Variants in TENT4B observed in about 807,000 individuals in gnomAD.
TENT4B encodes terminal nucleotidyltransferase 4B.
A neutral mutation model predicts 75.0 loss-of-function variants in TENT4B; 10 were observed. The observed-to-expected ratio is 0.13, with a 90% confidence interval of 0.08 to 0.23. The LOEUF (loss-of-function observed/expected upper bound fraction) is 0.23, where lower values mean the gene tolerates loss of function less well. TENT4B is among the 10% of genes least tolerant of loss of function. The pLI, the probability that TENT4B is intolerant of heterozygous loss-of-function variation, is 1.00. For synonymous variants in TENT4B, 350 were observed against 357.7 expected, an observed-to-expected ratio of 0.98 and a Z score of 0.24; for missense variants, 579 against 893.8, an observed-to-expected ratio of 0.65 and a Z score of 4.49.
At chr16:50,202,170 C>T (rs930408475) in intron 1 of TENT4B, among the ~76,000 whole-genome samples, 6 of 152,206 alleles carry the variant, frequency 3.9e-5, no homozygotes, top group Non-Finnish European at 7.3e-5. Context: ...ATAATCACCA[C>T]TAGTATGTTT....
At chr16:50,201,847 AAAG>A (rs1215265945) in intron 1 of TENT4B, among the ~76,000 whole-genome samples, 1 of 148,710 alleles carries the variant, frequency 6.7e-6, no homozygotes, top group Non-Finnish European at 1.5e-5. Flanking sequence ...AAAAAAAAAA[AAAG>A]CGGGCTGGAT....
chr16:50,167,716 GGTGT>G (rs1266746021), intron 1 of TENT4B, among the ~76,000 whole-genome samples: 1 of 151,122 alleles, frequency 6.6e-6, no homozygotes, highest in Non-Finnish European at 1.5e-5. Context: ...GGAGTGCAGT[GGTGT>G]GATCTTGGCT....
intron 1 of TENT4B, among the ~76,000 whole-genome samples, chr16:50,185,870 T>C (rs2150702554): frequency 6.6e-6 from 1 of 152,252 alleles, no homozygotes; most frequent in East Asian, 1.9e-4. Context: ...CATCCGTACT[T>C]TTATGCTCTC....
At chr16:50,190,241 C>A (rs2038615532) in intron 1 of TENT4B, among the ~76,000 whole-genome samples, 1 of 151,920 alleles carries the variant, frequency 6.6e-6, no homozygotes, top group Non-Finnish European at 1.5e-5. Context: ...TGATCAGCTA[C>A]ATGATATCTA....
chr16:50,216,375 A>G (rs543843876), intron 4 of TENT4B, among the ~76,000 whole-genome samples, 180 bp downstream of exon 4: 33 of 152,344 alleles, frequency 2.2e-4, no homozygotes, highest in Admixed American at 1.4e-3. Context: ...TGACCATACA[A>G]TCTCGGCTCA....
intron 1 of TENT4B, among the ~76,000 whole-genome samples, chr16:50,208,053 G>C (rs150009373): frequency 6.6e-6 from 1 of 152,306 alleles, no homozygotes; most frequent in African/African-American, 2.4e-5. Flanking sequence ...AGGTGAGATG[G>C]TGATGCTTGT....
chr16:50,205,981 A>G (rs1470965499), intron 1 of TENT4B, among the ~76,000 whole-genome samples: 1 of 152,122 alleles, frequency 6.6e-6, no homozygotes, highest in South Asian at 2.1e-4. Flanking sequence ...CATCTTTATC[A>G]GCTTATATAG....
chr16:50,164,258 A>T (rs2038057760), intron 1 of TENT4B, among the ~76,000 whole-genome samples: 1 of 152,164 alleles, frequency 6.6e-6, no homozygotes, highest in South Asian at 2.1e-4. Context: ...CTACCTCAGC[A>T]TCCCAAAGTA....
chr16:50,211,492 A>G, intron 2 of TENT4B, 46 bp downstream of exon 2: 2 of 1,507,046 alleles, frequency 1.3e-6, no homozygotes. Flanking sequence ...GTCCTTGTCC[A>G]CGGGCTAGAA....
intron 1 of TENT4B, among the ~76,000 whole-genome samples, chr16:50,189,597 G>A (rs943289440): frequency 1.3e-5 from 2 of 152,082 alleles, no homozygotes; most frequent in Non-Finnish European, 2.9e-5. Context: ...TCTTGTTAGT[G>A]TGGACTCCTC....
At chr16:50,168,870 T>G (rs2150679061) in intron 1 of TENT4B, among the ~76,000 whole-genome samples, 1 of 152,098 alleles carries the variant, frequency 6.6e-6, no homozygotes, top group Non-Finnish European at 1.5e-5. Context: ...GGTCTTGAAC[T>G]CCTGGCCTCA....
At chr16:50,182,773 C>A (rs889211298) in intron 1 of TENT4B, among the ~76,000 whole-genome samples, 1 of 151,632 alleles carries the variant, frequency 6.6e-6, no homozygotes, top group African/African-American at 2.4e-5. Context: ...CATCTGTGTT[C>A]CTCAAAATAA....
At chr16:50,152,923 G>C, upstream of TENT4B, 1 of 1,484,878 alleles carries the variant, frequency 6.7e-7, no homozygotes, top group Non-Finnish European at 8.9e-7. Context: ...CTCCCACAAC[G>C]CGCTCCCTGC....
intron 1 of TENT4B, among the ~76,000 whole-genome samples, chr16:50,207,008 A>G (rs374442778): frequency 2.0e-5 from 3 of 149,034 alleles, no homozygotes; most frequent in East Asian, 2.0e-4. Flanking sequence ...TCTGTTATTA[A>G]TTTTGAGATT....
intron 1 of TENT4B, among the ~76,000 whole-genome samples, chr16:50,203,436 G>C (rs997247197): frequency 3.3e-5 from 5 of 152,154 alleles, no homozygotes; most frequent in African/African-American, 1.2e-4. Flanking sequence ...AGGTAGGCAC[G>C]TTGTGTAAAC....
chr16:50,204,818 G>T (rs990907105), intron 1 of TENT4B, among the ~76,000 whole-genome samples: 1 of 151,806 alleles, frequency 6.6e-6, no homozygotes, highest in Non-Finnish European at 1.5e-5. Flanking sequence ...GGATGGGCCA[G>T]ACACTAGCAG....
chr16:50,177,990 T>C (rs1247424003), intron 1 of TENT4B, among the ~76,000 whole-genome samples: 1 of 152,128 alleles, frequency 6.6e-6, no homozygotes, highest in Non-Finnish European at 1.5e-5. Context: ...AGAAGTGTAT[T>C]GTTTAATCTC....
chr16:50,181,845 G>A (rs1401675084), intron 1 of TENT4B, among the ~76,000 whole-genome samples: 1 of 152,158 alleles, frequency 6.6e-6, no homozygotes, highest in Non-Finnish European at 1.5e-5. Flanking sequence ...GTACTCAGGA[G>A]AATTATGCTC....
chr16:50,164,048 T>C (rs931250456), intron 1 of TENT4B, among the ~76,000 whole-genome samples: 8 of 151,830 alleles, frequency 5.3e-5, no homozygotes, highest in African/African-American at 1.9e-4. Flanking sequence ...TTCCAGCTAC[T>C]TGGGAGGCTG....
Sources: gnomAD v4.1 joint callset for allele counts (sites outside exome capture counted in the v4.1 genomes callset) on GRCh38, gnomAD v4.1.1 for gene constraint, MANE v1.5 for transcripts, NCBI Gene and HGNC (gene_info 2026-07-23, HGNC 2026-07-21) for gene names.